MACROD2: variants seen among roughly 807,000 people sequenced by gnomAD.
MACROD2 encodes ADP-ribose glycohydrolase MACROD2.
A neutral mutation model predicts 70.4 loss-of-function variants in MACROD2; 36 were observed. That is an observed-to-expected ratio of 0.51 (90% confidence interval 0.39 to 0.68). The LOEUF (loss-of-function observed/expected upper bound fraction) is 0.68, where lower values mean the gene tolerates loss of function less well. Among genes scored for constraint, MACROD2 ranks in the 30% least tolerant of loss-of-function variants. The probability of loss-of-function intolerance (pLI) is 0.00; values close to 1 mark genes in which losing one functional copy is unlikely to be tolerated. For missense variants in MACROD2, 496 were observed against 538.4 expected (o/e 0.92, Z 0.78); for synonymous variants, 172 against 178.8 (o/e 0.96, Z 0.30).
intron 4 of MACROD2, among the ~76,000 whole-genome samples, chr20:14,528,445 T>C (rs1218195439): frequency 2.0e-5 from 3 of 151,980 alleles, no homozygotes; most frequent in Admixed American, 6.6e-5. Context: ...TGAGCCACCG[T>C]GCCTGGACTG....
At chr20:15,592,025 G>C (rs1050436378) in intron 8 of MACROD2, among the ~76,000 whole-genome samples, 2 of 152,148 alleles carry the variant, frequency 1.3e-5, no homozygotes, top group African/African-American at 4.8e-5. Flanking sequence ...GACATAGGAG[G>C]CTCTTCCACC....
chr20:15,224,099 C>A (rs1485424505), intron 5 of MACROD2, among the ~76,000 whole-genome samples: 1 of 152,154 alleles, frequency 6.6e-6, no homozygotes, highest in Non-Finnish European at 1.5e-5. Context: ...CCACAGTCCT[C>A]CACTGCTCCA....
At chr20:15,169,524 A>T (rs1000727621) in intron 5 of MACROD2, among the ~76,000 whole-genome samples, 1 of 152,204 alleles carries the variant, frequency 6.6e-6, no homozygotes, top group Non-Finnish European at 1.5e-5. Context: ...AGGGTACAAG[A>T]CATTTATTTG....
intron 15 of MACROD2, among the ~76,000 whole-genome samples, chr20:15,995,504 C>T (rs984914692): frequency 1.3e-4 from 20 of 150,636 alleles, no homozygotes; most frequent in East Asian, 1.9e-4. Context: ...CGCCCGCCAC[C>T]GTGCCCGGCT....
intron 6 of MACROD2, among the ~76,000 whole-genome samples, chr20:15,337,345 G>C (rs1226971281): frequency 6.6e-6 from 1 of 151,704 alleles, no homozygotes; most frequent in African/African-American, 2.4e-5. Context: ...AGTAGGGCCT[G>C]ATCTAGGAAA....
At chr20:14,292,195 G>C (rs1316657058) in intron 3 of MACROD2, among the ~76,000 whole-genome samples, 2 of 151,878 alleles carry the variant, frequency 1.3e-5, no homozygotes, top group African/African-American at 4.9e-5. Context: ...CTGTAGAAGG[G>C]TACAGCTCTT....
intron 7 of MACROD2, among the ~76,000 whole-genome samples, chr20:15,456,237 G>T (rs1254871453): frequency 6.6e-6 from 1 of 152,142 alleles, no homozygotes; most frequent in Admixed American, 6.6e-5. Flanking sequence ...CCTCTAGAAT[G>T]ACTGACTCTT....
Position 14,729,362 on chromosome 20 carries a change from A to C in MACROD2, c.418+44403A>C, listed in dbSNP as rs185274074. Among the ~76,000 whole-genome samples, 183 of 152,330 alleles carry C rather than the reference A, an allele frequency of 1.2e-3. 1 individual carries two copies. Among genetic ancestry groups the C allele is most frequent in the Non-Finnish European group, 2.0e-3 (133 of 68,024 alleles). ...TTGACAATCCTTTTATCACGCATGAAAAACACTTAATATATTTTATGTAGT... is the reference window on the plus strand; with the variant it reads ...TTGACAATCCTTTTATCACGCATGACAAACACTTAATATATTTTATGTAGT... On this transcript the variant is annotated intron_variant, in intron 5 of 17. Transcript: ENST00000684519.
At chr20:15,849,598 T>G (rs1189920369) in intron 8 of MACROD2, among the ~76,000 whole-genome samples, 1 of 152,216 alleles carries the variant, frequency 6.6e-6, no homozygotes, top group South Asian at 2.1e-4. Flanking sequence ...GTGTTGGCTT[T>G]ATAAAGCACT....
chr20:14,472,543 T>C (rs1251388821), intron 3 of MACROD2, among the ~76,000 whole-genome samples: 1 of 152,190 alleles, frequency 6.6e-6, no homozygotes, highest in Admixed American at 6.5e-5. Flanking sequence ...TACATTGTAA[T>C]CACTTTTCTT....
rs565700626 is a variant in MACROD2 at position 14,935,959 on chromosome 20, C to A, written c.418+251000C>A. Among the ~76,000 whole-genome samples, 92 of 152,216 alleles carry A rather than the reference C, an allele frequency of 6.0e-4. 1 individual carries two copies. Among genetic ancestry groups the A allele is most frequent in the Middle Eastern group, 3.4e-3 (1 of 294 alleles). On this transcript the variant is annotated intron_variant, in intron 5 of 17. Coordinates refer to ENST00000684519, the MANE Select transcript of MACROD2 (RefSeq NM_001351661.2). ...CTATTCACCCATCCTTCCTTCTTTT[C>A]TTTTTTCCATAAGTACTAATTGTTC...
chr20:15,176,604 C>T (rs1311330145), intron 5 of MACROD2, among the ~76,000 whole-genome samples: 2 of 152,154 alleles, frequency 1.3e-5, no homozygotes, highest in South Asian at 2.1e-4. Context: ...CTTCCCACTT[C>T]GGGTCTCCTG....
At chr20:14,641,768 C>T (rs1045626520) in intron 4 of MACROD2, among the ~76,000 whole-genome samples, 4 of 152,182 alleles carry the variant, frequency 2.6e-5, no homozygotes, top group African/African-American at 9.6e-5. Flanking sequence ...TTAAACCATG[C>T]TGTAAGCAGA....
intron 3 of MACROD2, among the ~76,000 whole-genome samples, chr20:14,266,542 C>T (rs568337635): frequency 6.6e-6 from 1 of 152,232 alleles, no homozygotes; most frequent in South Asian, 2.1e-4. Context: ...AGACATCTAG[C>T]AACATCATCT....
At chr20:15,255,995 GACTCCTTTTTTTC>G (rs1268186166) in intron 6 of MACROD2, among the ~76,000 whole-genome samples, 2 of 152,014 alleles carry the variant, frequency 1.3e-5, no homozygotes, top group Non-Finnish European at 2.9e-5. Flanking sequence ...AAAATGCAGA[GACTCCTTTTTTTC>G]ACTCCTTTTT....
At chr20:14,701,560 A>G (rs139502955) in intron 5 of MACROD2, among the ~76,000 whole-genome samples, 3 of 152,312 alleles carry the variant, frequency 2.0e-5, no homozygotes, top group African/African-American at 4.8e-5. Flanking sequence ...AGTAAATGAC[A>G]TTATAATGAG....
intron 5 of MACROD2, among the ~76,000 whole-genome samples, chr20:15,003,378 T>C (rs569759223): frequency 3.9e-4 from 60 of 152,282 alleles, no homozygotes; most frequent in African/African-American, 1.4e-3. Context: ...TGTGAGTTAC[T>C]AGGGTTACAA....
chr20:15,591,586 T>TAAAA lies in MACROD2; in HGVS notation c.645+91766_645+91769dup, dbSNP rs11471295. Among the ~76,000 whole-genome samples the TAAAA allele has an allele frequency of 1.8e-4, 12 of 65,136 alleles. No individual in the cohort carries two copies. The East Asian group carries it at 2.2e-3, about 12-fold the overall frequency. 42.7% of individuals were successfully genotyped at this position (65,136 alleles called of 152,430 possible). A position where few individuals can be genotyped will look rare whatever the true frequency, so the allele number is the denominator to read the frequency against. On this transcript the variant is annotated intron_variant, in intron 8 of 17. Coordinates refer to ENST00000684519, the MANE Select transcript of MACROD2 (RefSeq NM_001351661.2). ...TCCTAGTTCTGAGGAAAGCCAGTAC[T>TAAAA]AAAAAAAAAAAAAAAAAAAAAAAAA... is the stretch of plus-strand genomic sequence containing the variant.
intron 7 of MACROD2, among the ~76,000 whole-genome samples, chr20:15,497,514 G>C (rs1423026803): frequency 1.3e-5 from 2 of 151,926 alleles, no homozygotes; most frequent in African/African-American, 4.8e-5. Flanking sequence ...CTGGTCTTGA[G>C]CTCCTGACCT....
Sources: gnomAD v4.1 joint callset for allele counts (sites outside exome capture counted in the v4.1 genomes callset) on GRCh38, gnomAD v4.1.1 for gene constraint, MANE v1.5 for transcripts, NCBI Gene and HGNC (gene_info 2026-07-23, HGNC 2026-07-21) for gene names.